The following LRP2 variants were observed in gnomAD, a reference collection of about 807,000 sequenced individuals.
The protein encoded by LRP2 is LDL receptor related protein 2, also known as low-density lipoprotein receptor-related protein 2.
Under a neutral mutation model 531.0 loss-of-function variants are expected in LRP2, and 172 were observed. The ratio of observed to expected loss-of-function variants is 0.32; its 90% CI spans 0.29 to 0.37. The LOEUF is 0.37. LRP2 is among the 10% of genes least tolerant of loss of function. LRP2 has a pLI of 1.00. For missense variants in LRP2, 5,167 were observed against 5,868.3 expected, an observed-to-expected ratio of 0.88 and a Z score of 3.90; for synonymous variants, 1,992 against 2,027.6, an observed-to-expected ratio of 0.98 and a Z score of 0.47.
chr2:169,160,684 A>AAAAAAAAAAAAAAAAAAAAAAAAAC (rs1459931713), intron 63 of LRP2, among the ~76,000 whole-genome samples: 4 of 98,230 alleles, frequency 4.1e-5, no homozygotes, highest in African/African-American at 1.7e-4. Flanking sequence ...TATTTCCTTA[A>AAAAAAAAAAAAAAAAAAAAAAAAAC]AAAAAAAAAA....
intron 63 of LRP2, among the ~76,000 whole-genome samples, chr2:169,161,309 T>C (rs1216928204): frequency 6.6e-6 from 1 of 152,208 alleles, no homozygotes; most frequent in East Asian, 1.9e-4. Context: ...TTAAATAATG[T>C]ATGTGAAAGC....
rs148996947 is a variant in LRP2 at position 169,277,924 on chromosome 2, G to A, written c.1593C>T (p.Ser531=). ...TTTCCAGCTTAGGTTCCCCAGAAAG[G>A]CTCTCCCAATCTGAGAAAAATAAAT... ...VGYLFFSDWE[S]LSGEPKLERA... Residue 531 remains serine, a synonymous_variant, in exon 13 of 79, where the codon AGC becomes AGT. Coordinates refer to ENST00000649046, the MANE Select transcript of LRP2 (RefSeq NM_004525.3). 8.7e-6 allele frequency: 14 copies of A among 1,613,766 alleles called. No homozygotes were observed. Among genetic ancestry groups the A allele is most frequent in the Non-Finnish European group, 1.2e-5 (14 of 1,179,822 alleles).
intron 22 of LRP2, 35 bp from the exon 23 acceptor site, chr2:169,243,557 T>C: frequency 6.2e-7 from 1 of 1,613,390 alleles, no homozygotes; most frequent in Non-Finnish European, 8.5e-7. Flanking sequence ...AACAAGTTTA[T>C]TTCCTGTGCA....
intron 63 of LRP2, among the ~76,000 whole-genome samples, chr2:169,158,549 AT>A (rs1250169729): frequency 6.6e-6 from 1 of 151,976 alleles, no homozygotes; most frequent in African/African-American, 2.4e-5. Flanking sequence ...AAAAAAATAC[AT>A]CTTAGAAGCA....
At chr2:169,158,865 A>C (rs1277971589) in intron 63 of LRP2, among the ~76,000 whole-genome samples, 3 of 151,634 alleles carry the variant, frequency 2.0e-5, no homozygotes, top group Non-Finnish European at 4.4e-5. Flanking sequence ...AACAAAAAAA[A>C]CACAGTTTAT....
At chr2:169,242,866 T>C (rs1210703500) in intron 24 of LRP2, 90 bp downstream of exon 24, 1 of 955,300 alleles carries the variant, frequency 1.0e-6, no homozygotes, top group African/African-American at 1.6e-5. Context: ...TTTGTCTGAG[T>C]TAGGGAAAAT....
rs2105352943 is a variant in LRP2 at position 169,220,451 on chromosome 2, C to T, written c.5648+3G>A. 6.2e-7 allele frequency: 1 copy of T among 1,608,362 alleles called. No homozygotes were observed. The highest frequency in any genetic ancestry group is 2.2e-5 in the East Asian group (1 of 44,820). On this transcript the variant is annotated splice_donor_region_variant and intron_variant, in intron 34 of 78. Transcript: ENST00000649046. ...AAGACACGTGCCATTTATGAATACT[C>T]ACCCACGAGCAGGATCAACAGTTAT...
chr2:169,326,460 C>T (rs968444647), intron 1 of LRP2, among the ~76,000 whole-genome samples: 3 of 151,504 alleles, frequency 2.0e-5, no homozygotes, highest in Non-Finnish European at 4.4e-5. Flanking sequence ...GCGAGTGATC[C>T]GCCAGCCTTG....
At chr2:169,159,763 A>G (rs942049950) in intron 63 of LRP2, among the ~76,000 whole-genome samples, 3 of 152,190 alleles carry the variant, frequency 2.0e-5, no homozygotes, top group Admixed American at 6.5e-5. Flanking sequence ...CTTGGATATC[A>G]TTGAGCCAGT....
intron 63 of LRP2, among the ~76,000 whole-genome samples, chr2:169,158,845 G>GT (rs1553487053): frequency 9.4e-6 from 1 of 106,912 alleles, no homozygotes; most frequent in Non-Finnish European, 2.0e-5. Context: ...AACTTTCACA[G>GT]TAAAAAAAAA....
At chr2:169,205,109 A>G (rs2105330753) in intron 41 of LRP2, among the ~76,000 whole-genome samples, 1 of 152,208 alleles carries the variant, frequency 6.6e-6, no homozygotes, top group South Asian at 2.1e-4. Flanking sequence ...CATAATATCA[A>G]TTGGCATTTA....
intron 45 of LRP2, among the ~76,000 whole-genome samples, chr2:169,198,355 G>A (rs1229976802): frequency 1.3e-5 from 2 of 152,064 alleles, no homozygotes; most frequent in African/African-American, 2.4e-5. Context: ...CAGAGGCTGC[G>A]GTGAGCTGTG....
chr2:169,281,674 C>T (rs747189553), intron 10 of LRP2, among the ~76,000 whole-genome samples: 4 of 145,830 alleles, frequency 2.7e-5, no homozygotes, highest in Non-Finnish European at 6.0e-5. Context: ...GCCAAGATGG[C>T]GCCACTGCAC....
intron 3 of LRP2, among the ~76,000 whole-genome samples, chr2:169,312,346 G>C (rs867355437): frequency 1.3e-5 from 2 of 152,154 alleles, no homozygotes; most frequent in African/African-American, 4.8e-5. Context: ...GGTACCAGTT[G>C]TTCCTTTCCA....
intron 10 of LRP2, among the ~76,000 whole-genome samples, chr2:169,280,842 C>T (rs1366107348): frequency 1.3e-5 from 2 of 152,190 alleles, no homozygotes; most frequent in Non-Finnish European, 2.9e-5. Context: ...ATTTTCGAGA[C>T]TCCTTGATGG....
At chr2:169,183,004 A>G (rs1687496879) in intron 50 of LRP2, among the ~76,000 whole-genome samples, 1 of 152,214 alleles carries the variant, frequency 6.6e-6, no homozygotes, top group Non-Finnish European at 1.5e-5. Context: ...GTCTTTACCC[A>G]GAATCAGGGA....
chr2:169,178,113 A>C, intron 52 of LRP2, 87 bp from the exon 53 acceptor site: 1 of 971,892 alleles, frequency 1.0e-6, no homozygotes, highest in Non-Finnish European at 1.6e-6. Flanking sequence ...ACAAATCAAT[A>C]AAATTCTACC....
chr2:169,198,008 A>C (rs557866078), intron 45 of LRP2, among the ~76,000 whole-genome samples: 55 of 152,350 alleles, frequency 3.6e-4, no homozygotes, highest in Non-Finnish European at 5.7e-4. Context: ...CAAACTTAAG[A>C]AAGGCCTTTT....
At chr2:169,177,220 A>T (rs917308220) in intron 53 of LRP2, among the ~76,000 whole-genome samples, 1 of 152,240 alleles carries the variant, frequency 6.6e-6, no homozygotes, top group Non-Finnish European at 1.5e-5. Flanking sequence ...GTCTATCCCC[A>T]AAATATATTT....
Sources: gnomAD v4.1 joint callset for allele counts (sites outside exome capture counted in the v4.1 genomes callset) on GRCh38, gnomAD v4.1.1 for gene constraint, MANE v1.5 for transcripts, NCBI Gene and HGNC (gene_info 2026-07-23, HGNC 2026-07-21) for gene names.